The following PTP4A1 variants were observed in gnomAD, a reference collection of about 807,000 sequenced individuals.
PTP4A1 encodes protein tyrosine phosphatase type IVA 1.
In PTP4A1, 9 loss-of-function variants were observed where a neutral mutation model predicts 20.5. That is an observed-to-expected ratio of 0.44 (90% CI 0.26 to 0.77). PTP4A1 has a LOEUF of 0.77. Among genes scored for constraint, PTP4A1 ranks in the 30% least tolerant of loss-of-function variants. The pLI is 0.19. For synonymous variants in PTP4A1, 78 were observed against 67.4 expected (o/e 1.16, Z -0.77); for missense variants, 137 against 218.8 (o/e 0.63, Z 2.36).
At chr6:63,523,681 T>C (rs1414739212) in intron 1 of PTP4A1, among the ~76,000 whole-genome samples, 1 of 152,196 alleles carries the variant, frequency 6.6e-6, no homozygotes, top group African/African-American at 2.4e-5. Flanking sequence ...ACTTTCAATA[T>C]GGCCCAACAC....
chr6:63,556,521 G>A (rs186755141), intron 3 of PTP4A1, among the ~76,000 whole-genome samples: 269 of 152,194 alleles, frequency 1.8e-3, no homozygotes, highest in Non-Finnish European at 3.2e-3. Context: ...AATTGCCCTA[G>A]GTGTGCCTTG....
rs115745582 is a variant in PTP4A1, at chr6:63,561,259, T to G, written c.-446+10766T>G. ...TGACCCTAAGCTTTCTGAGGCTGCA[T>G]GTCCTGATTTTTATAATGGGAGTAA... On this transcript the variant is annotated intron_variant, in intron 3 of 3. Coordinates refer to the PTP4A1 transcript ENST00000639568. Among the ~76,000 whole-genome samples the G allele has an allele frequency of 3.7e-3, 557 of 152,340 alleles. 3 individuals are homozygous for G. The highest frequency in any genetic ancestry group is 0.013 in the African/African-American group (536 of 41,572).
At chr6:63,573,677 C>G (rs1235240318) in intron 1 of PTP4A1, 1 of 152,322 alleles carries the variant, frequency 6.6e-6, no homozygotes, top group Non-Finnish European at 1.5e-5. Flanking sequence ...CGAGCTGTTC[C>G]GGATTTATCG....
At position 63,548,395 on chromosome 6, in the gene PTP4A1, C is replaced by A. The variant is rs117807097; in HGVS notation, c.-639-1905C>A. Among the ~76,000 whole-genome samples, 11 of 152,300 alleles carry A rather than the reference C, an allele frequency of 7.2e-5. No individual in the cohort carries two copies. In the East Asian group the frequency reaches 2.1e-3, roughly 29 times the overall value. On this transcript the variant is annotated intron_variant, in intron 2 of 3. Transcript: ENST00000639568. The stretch of plus-strand genomic sequence containing the variant: ...TACGTAGAACAGGCTTAGAACGGCA[C>A]TAGGCAAGCACTTTAAACTGTTTGC...
intron 2 of PTP4A1, chr6:63,549,347 C>G (rs945043775): frequency 1.7e-5 from 13 of 754,472 alleles, no homozygotes; most frequent in Non-Finnish European, 2.9e-5. Context: ...GGCCATTTCA[C>G]AAAGCTGGTT....
chr6:63,537,213 G>A (rs557408736), intron 2 of PTP4A1, among the ~76,000 whole-genome samples: 1 of 152,214 alleles, frequency 6.6e-6, no homozygotes, highest in Admixed American at 6.5e-5. Context: ...TTTCCTGGTC[G>A]AGGCAAATGT....
chr6:63,551,490 C>T (rs992724736), intron 3 of PTP4A1, among the ~76,000 whole-genome samples: 2 of 152,138 alleles, frequency 1.3e-5, no homozygotes, highest in Non-Finnish European at 1.5e-5. Flanking sequence ...GGCTTTTTTC[C>T]TATGTACAAA....
At chr6:63,521,451 A>G (rs1200273898), upstream of PTP4A1, among the ~76,000 whole-genome samples, 4 of 152,208 alleles carry the variant, frequency 2.6e-5, no homozygotes, top group Admixed American at 1.3e-4. Flanking sequence ...TCCATGTAGG[A>G]ACACACCAAA....
At chr6:63,529,019 G>A (rs1581910411) in intron 2 of PTP4A1, among the ~76,000 whole-genome samples, 1 of 150,994 alleles carries the variant, frequency 6.6e-6, no homozygotes, top group East Asian at 2.0e-4. Flanking sequence ...AATCTGGGAG[G>A]CAGAGGTTAC....
At chr6:63,554,800 A>G (rs559868191) in intron 3 of PTP4A1, among the ~76,000 whole-genome samples, 46 of 152,258 alleles carry the variant, frequency 3.0e-4, no homozygotes, top group African/African-American at 1.1e-3. Flanking sequence ...AAAATGGAAC[A>G]ATTTATCAAG....
upstream of PTP4A1, chr6:63,571,603 T>TA (rs59214251): frequency 3.2e-4 from 49 of 152,364 alleles, no homozygotes; most frequent in African/African-American, 1.2e-3. Flanking sequence ...CGAGGATTCT[T>TA]AATTTCTAAA....
At chr6:63,578,321 T>C (rs1481000956) in intron 2 of PTP4A1, 116 bp from the exon 3 acceptor site, 1 of 1,224,070 alleles carries the variant, frequency 8.2e-7, no homozygotes, top group Non-Finnish European at 1.1e-6. Flanking sequence ...TAGCATTCTT[T>C]AAATGATCTT....
At chr6:63,556,755 T>C (rs1776704357) in intron 3 of PTP4A1, among the ~76,000 whole-genome samples, 1 of 152,220 alleles carries the variant, frequency 6.6e-6, no homozygotes, top group South Asian at 2.1e-4. Context: ...GAATAAAAAG[T>C]ATGATTATTC....
chr6:63,518,083 C>T (rs1252597451), upstream of PTP4A1, among the ~76,000 whole-genome samples: 1 of 146,504 alleles, frequency 6.8e-6, no homozygotes, highest in African/African-American at 2.6e-5. Context: ...ACCCGGGAGG[C>T]GGAGGTTGCT....
At chr6:63,550,180 T>A (rs1776374779) in intron 2 of PTP4A1, 1 of 152,172 alleles carries the variant, frequency 6.6e-6, no homozygotes, top group Non-Finnish European at 1.5e-5. Flanking sequence ...CAGTGATTGG[T>A]TTTTTAATCT....
chr6:63,580,033 A>AT (rs56188808), intron 5 of PTP4A1, 24 bp from the exon 6 acceptor site: 55,586 of 1,357,500 alleles, frequency 0.041, no homozygotes, highest in Middle Eastern at 0.051. Flanking sequence ...GCCTTGTTTC[A>AT]TTTTTTTTTT....
chr6:63,548,412 A>T (rs756668277), intron 2 of PTP4A1, among the ~76,000 whole-genome samples: 16 of 152,078 alleles, frequency 1.1e-4, no homozygotes, highest in Non-Finnish European at 2.2e-4. Flanking sequence ...AGCACTTTAA[A>T]CTGTTTGCTA....
chr6:63,564,016 T>C (rs1372152909), intron 3 of PTP4A1, among the ~76,000 whole-genome samples: 1 of 152,226 alleles, frequency 6.6e-6, no homozygotes, highest in Non-Finnish European at 1.5e-5. Context: ...GGCTCACGCC[T>C]GTAATCCCAG....
intron 3 of PTP4A1, among the ~76,000 whole-genome samples, chr6:63,559,554 G>A (rs1363364234): frequency 6.6e-6 from 1 of 152,074 alleles, no homozygotes; most frequent in Admixed American, 6.6e-5. Context: ...AGACCATCCT[G>A]GCCAACATGG....
Sources: allele counts gnomAD v4.1 joint callset (sites outside exome capture counted in the v4.1 genomes callset), GRCh38; gene constraint gnomAD v4.1.1; transcripts MANE v1.5; gene names NCBI Gene and HGNC (gene_info 2026-07-23, HGNC 2026-07-21).